The following MAGI1 variants were observed in gnomAD, a reference collection of about 807,000 sequenced individuals.
The protein encoded by MAGI1 is membrane-associated guanylate kinase, WW and PDZ domain-containing protein 1.
MAGI1 carries 58 observed loss-of-function variants against 139.9 expected under a neutral mutation model. That is an observed-to-expected ratio of 0.41 (90% CI 0.34 to 0.52). The LOEUF is 0.52. Among genes scored for constraint, MAGI1 ranks in the 20% least tolerant of loss-of-function variants. The probability of loss-of-function intolerance (pLI) is 0.12; values close to 1 mark genes in which losing one functional copy is unlikely to be tolerated. For missense variants in MAGI1, 1,874 were observed against 1,901.6 expected, an observed-to-expected ratio of 0.99 and a Z score of 0.27; for synonymous variants, 812 against 737.9, an observed-to-expected ratio of 1.10 and a Z score of -1.63.
intron 1 of MAGI1, among the ~76,000 whole-genome samples, chr3:65,819,439 T>A (rs1185590689): frequency 6.6e-6 from 1 of 152,160 alleles, no homozygotes; most frequent in Non-Finnish European, 1.5e-5. Context: ...ACATTGGTCA[T>A]CCTAGTGACC....
At chr3:65,654,713 C>T (rs2085774714) in intron 1 of MAGI1, among the ~76,000 whole-genome samples, 1 of 151,968 alleles carries the variant, frequency 6.6e-6, no homozygotes, top group East Asian at 1.9e-4. Flanking sequence ...ATGTTACATA[C>T]TCTCTCCTCT....
chr3:65,790,285 G>A (rs977611079), intron 1 of MAGI1, among the ~76,000 whole-genome samples: 2 of 152,190 alleles, frequency 1.3e-5, no homozygotes, highest in Non-Finnish European at 2.9e-5. Flanking sequence ...CGATTTGTTT[G>A]ACCTTCTGAT....
At chr3:65,454,054 TC>T (rs1203685006) in intron 5 of MAGI1, among the ~76,000 whole-genome samples, 1 of 151,886 alleles carries the variant, frequency 6.6e-6, no homozygotes, top group Non-Finnish European at 1.5e-5. Context: ...AGAGACACAT[TC>T]CCAAAGATAT....
chr3:65,884,809 G>C (rs1158867680), intron 1 of MAGI1, among the ~76,000 whole-genome samples: 1 of 152,090 alleles, frequency 6.6e-6, no homozygotes, highest in East Asian at 1.9e-4. Context: ...TTATAAATGA[G>C]AGCACATGGA....
At chr3:65,431,605 C>A (rs1037352410) in intron 10 of MAGI1, among the ~76,000 whole-genome samples, 1 of 150,952 alleles carries the variant, frequency 6.6e-6, no homozygotes, top group African/African-American at 2.4e-5. Context: ...AACAAAGAAA[C>A]CCCCCCCACA....
At chr3:65,733,221 G>A (rs146558717) in intron 1 of MAGI1, among the ~76,000 whole-genome samples, 36 of 152,090 alleles carry the variant, frequency 2.4e-4, no homozygotes, top group African/African-American at 7.5e-4. Context: ...ACCACGCCCC[G>A]CTAATTTTTT....
intron 1 of MAGI1, among the ~76,000 whole-genome samples, chr3:66,005,713 A>T (rs2066979616): frequency 1.3e-5 from 2 of 152,112 alleles, no homozygotes; most frequent in Non-Finnish European, 2.9e-5. Context: ...AGGAAAGAAG[A>T]TGACACAAAA....
chr3:65,932,709 C>T (rs2106746741), intron 1 of MAGI1, among the ~76,000 whole-genome samples: 2 of 151,984 alleles, frequency 1.3e-5, no homozygotes. Context: ...CAAATTCCAC[C>T]TCGTAGATGG....
At chr3:65,990,508 A>G (rs1042460512) in intron 1 of MAGI1, among the ~76,000 whole-genome samples, 2 of 152,308 alleles carry the variant, frequency 1.3e-5, no homozygotes, top group South Asian at 4.1e-4. Context: ...TCTCAAGCAC[A>G]TGCTTCAAGA....
intron 1 of MAGI1, among the ~76,000 whole-genome samples, chr3:65,818,649 T>C (rs1228739687): frequency 1.3e-5 from 2 of 152,040 alleles, no homozygotes; most frequent in Non-Finnish European, 2.9e-5. Context: ...GTTTAATAAC[T>C]CAAGGGGAAG....
At chr3:65,597,684 C>CGGT in intron 2 of MAGI1, 1 of 456,502 alleles carries the variant, frequency 2.2e-6, no homozygotes, top group Non-Finnish European at 4.4e-6. Context: ...CTCAAACCTC[C>CGGT]GGTGGCAGGG....
At chr3:65,858,260 G>A (rs559229681) in intron 1 of MAGI1, among the ~76,000 whole-genome samples, 33 of 152,140 alleles carry the variant, frequency 2.2e-4, no homozygotes, top group Non-Finnish European at 3.7e-4. Context: ...GCTCCATGTT[G>A]ACATAATATG....
chr3:65,963,060 G>C (rs1023910894), intron 1 of MAGI1, among the ~76,000 whole-genome samples: 4 of 150,964 alleles, frequency 2.6e-5, no homozygotes, highest in South Asian at 2.1e-4. Context: ...GCCAGGCGCA[G>C]TGGCTCACGT....
chr3:65,428,850 C>A (rs996213408), intron 12 of MAGI1, among the ~76,000 whole-genome samples: 3 of 152,132 alleles, frequency 2.0e-5, no homozygotes, highest in African/African-American at 4.8e-5. Context: ...ATGGGAGAAG[C>A]CCTCTCTCAT....
chr3:65,473,161 C>G (rs1269980640), intron 4 of MAGI1, among the ~76,000 whole-genome samples: 1 of 152,160 alleles, frequency 6.6e-6, no homozygotes, highest in South Asian at 2.1e-4. Flanking sequence ...GTACCTCTAT[C>G]TTCATCAAAA....
chr3:65,415,497 C>T (rs559060107), intron 12 of MAGI1, among the ~76,000 whole-genome samples: 2 of 152,316 alleles, frequency 1.3e-5, no homozygotes, highest in African/African-American at 4.8e-5. Flanking sequence ...AGGGCTGGCT[C>T]AGGCTGCACT....
intron 1 of MAGI1, among the ~76,000 whole-genome samples, chr3:65,879,134 C>T (rs937782965): frequency 6.6e-6 from 1 of 152,106 alleles, no homozygotes; most frequent in Admixed American, 6.5e-5. Context: ...GGCAGGCCCA[C>T]AGCCTAATTG....
intron 1 of MAGI1, among the ~76,000 whole-genome samples, chr3:65,692,889 G>A (rs2088804910): frequency 6.6e-6 from 1 of 152,052 alleles, no homozygotes; most frequent in Non-Finnish European, 1.5e-5. Flanking sequence ...CTAGACCTTG[G>A]CCTTCCCAAC....
chr3:65,761,161 C>A (rs145789142), intron 1 of MAGI1, among the ~76,000 whole-genome samples: 1 of 152,144 alleles, frequency 6.6e-6, no homozygotes, highest in Non-Finnish European at 1.5e-5. Context: ...TTTCACCAGG[C>A]ACATTCAATT....
Sources: allele counts gnomAD v4.1 joint callset (sites outside exome capture counted in the v4.1 genomes callset), GRCh38; gene constraint gnomAD v4.1.1; transcripts MANE v1.5; gene names NCBI Gene and HGNC (gene_info 2026-07-23, HGNC 2026-07-21).